JMJD1C: variants seen among roughly 807,000 people sequenced by gnomAD.
JMJD1C encodes jumonji domain-containing protein 1C.
In JMJD1C, 31 loss-of-function variants were observed where a neutral mutation model predicts 245.3. The ratio of observed to expected loss-of-function variants is 0.13; its 90% CI spans 0.09 to 0.17. The LOEUF (loss-of-function observed/expected upper bound fraction) is 0.17. Among genes scored for constraint, JMJD1C ranks in the 10% least tolerant of loss-of-function variants. The pLI is 1.00. For missense variants in JMJD1C, 2,691 were observed against 3,000.2 expected (o/e 0.90, Z 2.41); for synonymous variants, 1,057 against 1,017.4 (o/e 1.04, Z -0.74).
At chr10:63,520,480 T>C (rs1955175139) in intron 1 of JMJD1C, among the ~76,000 whole-genome samples, 1 of 146,988 alleles carries the variant, frequency 6.8e-6, no homozygotes, top group African/African-American at 2.5e-5. Flanking sequence ...AACTTTAACA[T>C]CATTTTCTCA....
Position 63,197,405 on chromosome 10 carries a change from A to C in JMJD1C, c.5644+6T>G. 1 of 1,610,128 alleles carries C rather than the reference A, an allele frequency of 6.2e-7. No homozygotes were observed. Among genetic ancestry groups the C allele is most frequent in the Non-Finnish European group, 8.5e-7 (1 of 1,178,600 alleles). On this transcript the variant is annotated splice_donor_region_variant and intron_variant, in intron 13 of 25. Transcript: ENST00000399262. The stretch of plus-strand genomic sequence containing the variant: ...AACTTCAATTTATATAAACTTATAC[A>C]CCAACCTCTAGAACTCTTCCTTTCC...
intron 2 of JMJD1C, among the ~76,000 whole-genome samples, chr10:63,326,734 C>T (rs920717214): frequency 6.6e-6 from 1 of 152,080 alleles, no homozygotes; most frequent in African/African-American, 2.4e-5. Flanking sequence ...ACAAAATCAG[C>T]CTAGCGTGGT....
chr10:63,198,906 G>A (rs1324354974), intron 11 of JMJD1C, among the ~76,000 whole-genome samples, 179 bp from the exon 12 acceptor site: 1 of 152,050 alleles, frequency 6.6e-6, no homozygotes, highest in Non-Finnish European at 1.5e-5. Context: ...AATAACTCAG[G>A]TGTTATGCAA....
At chr10:63,394,545 C>T (rs957693321) in intron 1 of JMJD1C, among the ~76,000 whole-genome samples, 6 of 151,912 alleles carry the variant, frequency 3.9e-5, no homozygotes, top group Non-Finnish European at 5.9e-5. Flanking sequence ...AAGCACAATC[C>T]ATAAAACAAA....
At chr10:63,316,361 A>T (rs1416619946) in intron 2 of JMJD1C, among the ~76,000 whole-genome samples, 1 of 152,084 alleles carries the variant, frequency 6.6e-6, no homozygotes, top group Non-Finnish European at 1.5e-5. Context: ...ACTGCTTTTG[A>T]GGCATTTGGT....
chr10:63,255,777 GAAATA>G (rs995588730), intron 3 of JMJD1C, among the ~76,000 whole-genome samples: 1 of 151,794 alleles, frequency 6.6e-6, no homozygotes, highest in Non-Finnish European at 1.5e-5. Flanking sequence ...GCTAACATTG[GAAATA>G]AAATAATGCA....
intron 2 of JMJD1C, among the ~76,000 whole-genome samples, chr10:63,321,229 A>C (rs190848494): frequency 6.6e-6 from 1 of 152,348 alleles, no homozygotes; most frequent in East Asian, 1.9e-4. Flanking sequence ...ATCGGTAAAC[A>C]TAATAAGTAA....
chr10:63,184,720 T>C lies in JMJD1C; in HGVS notation c.6849A>G (p.Lys2283=). 1 of 1,609,036 alleles carries C rather than the reference T, an allele frequency of 6.2e-7. No individual in the cohort carries two copies. The highest frequency in any genetic ancestry group is 8.5e-7 in the Non-Finnish European group (1 of 1,178,426). Residue 2283 remains lysine (K), a synonymous_variant, in exon 21 of 26, where the codon AAA becomes AAG. Transcript: ENST00000399262. ...TACAATATTCTGGCAATGGCAGACT[T>C]TTTAAAAGATCTTCGTATCTGAAGA... ...MMPARYEDLL[K]SLPLPEYCNP...
At chr10:63,275,255 T>A (rs913793238) in intron 2 of JMJD1C, among the ~76,000 whole-genome samples, 2 of 152,174 alleles carry the variant, frequency 1.3e-5, no homozygotes, top group African/African-American at 4.8e-5. Flanking sequence ...TGTATTTATT[T>A]TCATGCTGGT....
chr10:63,234,505 A>C (rs1306661393), intron 3 of JMJD1C, among the ~76,000 whole-genome samples: 7 of 149,306 alleles, frequency 4.7e-5, no homozygotes, highest in Non-Finnish European at 1.0e-4. Context: ...AAAAAAAAAA[A>C]AAAAAAAAAA....
At chr10:63,383,593 G>C (rs1025122446) in intron 1 of JMJD1C, among the ~76,000 whole-genome samples, 5 of 151,854 alleles carry the variant, frequency 3.3e-5, no homozygotes, top group African/African-American at 1.2e-4. Context: ...CCAGAGACTC[G>C]GGAGGCTAAA....
At chr10:63,317,456 T>G (rs1414390695) in intron 2 of JMJD1C, among the ~76,000 whole-genome samples, 1 of 152,040 alleles carries the variant, frequency 6.6e-6, no homozygotes, top group Non-Finnish European at 1.5e-5. Context: ...TGCTCTGCCA[T>G]AGAACATTGG....
chr10:63,202,184 G>C, intron 10 of JMJD1C: 1 of 439,434 alleles, frequency 2.3e-6, no homozygotes, highest in Non-Finnish European at 3.0e-6. Context: ...ATCCCAGGGG[G>C]CGGAAGTTGC....
At chr10:63,440,408 C>T (rs1951316375) in intron 1 of JMJD1C, among the ~76,000 whole-genome samples, 1 of 150,604 alleles carries the variant, frequency 6.6e-6, no homozygotes, top group African/African-American at 2.4e-5. Context: ...TGCGAGCACA[C>T]GAAGGAGAGT....
At chr10:63,226,632 T>C (rs1007838700) in intron 3 of JMJD1C, among the ~76,000 whole-genome samples, 1 of 149,744 alleles carries the variant, frequency 6.7e-6, no homozygotes, top group African/African-American at 2.5e-5. Flanking sequence ...GGAGGATCAC[T>C]TGAGCCCAGG....
intron 3 of JMJD1C, among the ~76,000 whole-genome samples, chr10:63,252,729 G>A (rs1029253398): frequency 1.3e-5 from 2 of 152,108 alleles, no homozygotes; most frequent in African/African-American, 2.4e-5. Flanking sequence ...GAGAAGTAAA[G>A]AAAAAGAAAC....
chr10:63,442,562 C>G (rs930794008), intron 1 of JMJD1C, among the ~76,000 whole-genome samples: 4 of 152,106 alleles, frequency 2.6e-5, no homozygotes, highest in Non-Finnish European at 5.9e-5. Flanking sequence ...CAAAATGTAA[C>G]CAACCAGAAA....
chr10:63,218,733 G>T (rs1848269601), intron 4 of JMJD1C, among the ~76,000 whole-genome samples: 1 of 151,842 alleles, frequency 6.6e-6, no homozygotes, highest in African/African-American at 2.4e-5. Flanking sequence ...AAATTTGCCT[G>T]GTTTCTTCAA....
intron 2 of JMJD1C, among the ~76,000 whole-genome samples, chr10:63,374,737 A>G (rs1021407129): frequency 7.2e-5 from 11 of 152,234 alleles, no homozygotes; most frequent in Non-Finnish European, 1.5e-4. Flanking sequence ...AATATTATGC[A>G]GCCATTAAAA....
Sources: allele counts gnomAD v4.1 joint callset (sites outside exome capture counted in the v4.1 genomes callset), GRCh38; gene constraint gnomAD v4.1.1; transcripts MANE v1.5; gene names NCBI Gene and HGNC (gene_info 2026-07-23, HGNC 2026-07-21).